GALNT17: variants seen among roughly 807,000 people sequenced by gnomAD.
GALNT17 encodes UDP-GalNAc:polypeptide N-acetylgalactosaminyltransferase-like 3.
A neutral mutation model predicts 63.7 loss-of-function variants in GALNT17; 29 were observed. The observed-to-expected ratio is 0.46, with a 90% confidence interval of 0.34 to 0.62. The LOEUF (loss-of-function observed/expected upper bound fraction) is 0.62. Ranked by LOEUF, GALNT17 falls within the 20% of genes least tolerant of loss-of-function variation. The probability of loss-of-function intolerance (pLI) is 0.01; values close to 1 mark genes in which losing one functional copy is unlikely to be tolerated. For synonymous variants in GALNT17, 305 were observed against 318.3 expected, an observed-to-expected ratio of 0.96 and a Z score of 0.45; for missense variants, 603 against 799.6, an observed-to-expected ratio of 0.75 and a Z score of 2.97.
At chr7:71,482,630 A>G (rs1275136999) in intron 5 of GALNT17, among the ~76,000 whole-genome samples, 1 of 152,220 alleles carries the variant, frequency 6.6e-6, no homozygotes, top group African/African-American at 2.4e-5. Context: ...ACTGTAGGCA[A>G]TTGTAACACA....
chr7:71,153,789 C>A (rs539368176), intron 1 of GALNT17, among the ~76,000 whole-genome samples: 1 of 151,924 alleles, frequency 6.6e-6, no homozygotes, highest in Non-Finnish European at 1.5e-5. Flanking sequence ...TGGTGGCGGG[C>A]GCCTGTAGTC....
intron 1 of GALNT17, among the ~76,000 whole-genome samples, chr7:71,213,046 C>T (rs920993253): frequency 1.3e-5 from 2 of 151,632 alleles, no homozygotes; most frequent in Admixed American, 6.6e-5. Flanking sequence ...TTTGGAGGGA[C>T]CAGGGGCAGA....
At chr7:71,594,455 A>G (rs760309493) in intron 6 of GALNT17, among the ~76,000 whole-genome samples, 1 of 151,776 alleles carries the variant, frequency 6.6e-6, no homozygotes, top group Non-Finnish European at 1.5e-5. Flanking sequence ...ACACCTGGCT[A>G]ATGTTTGTAT....
chr7:71,176,167 G>GGA (rs1242600388), intron 1 of GALNT17, among the ~76,000 whole-genome samples: 1 of 151,910 alleles, frequency 6.6e-6, no homozygotes, highest in Non-Finnish European at 1.5e-5. Context: ...GTGGGGAGGA[G>GGA]GAGAGAGAGA....
intron 2 of GALNT17, 63 bp from the exon 3 acceptor site, chr7:71,388,172 A>G: frequency 6.5e-7 from 1 of 1,549,452 alleles, no homozygotes. Flanking sequence ...CACTATGTCC[A>G]GCTGCAGTGC....
chr7:71,585,650 T>G (rs1789705048), intron 6 of GALNT17, among the ~76,000 whole-genome samples: 1 of 152,170 alleles, frequency 6.6e-6, no homozygotes, highest in African/African-American at 2.4e-5. Context: ...AATAAATATT[T>G]TATATGTCTA....
chr7:71,423,217 G>C (rs535255482), intron 5 of GALNT17, among the ~76,000 whole-genome samples: 4 of 152,336 alleles, frequency 2.6e-5, no homozygotes, highest in African/African-American at 7.2e-5. Context: ...GCACAGGCCC[G>C]AGGGTGGAGC....
At chr7:71,205,668 A>G (rs934175116) in intron 1 of GALNT17, among the ~76,000 whole-genome samples, 2 of 152,146 alleles carry the variant, frequency 1.3e-5, no homozygotes, top group Middle Eastern at 3.4e-3. Flanking sequence ...GCTACTGTAA[A>G]TGAGATTGTT....
intron 2 of GALNT17, among the ~76,000 whole-genome samples, chr7:71,370,134 T>C (rs1196310006): frequency 6.6e-6 from 1 of 152,190 alleles, no homozygotes; most frequent in East Asian, 1.9e-4. Context: ...CTGTATGGCA[T>C]TGTCATCATT....
intron 9 of GALNT17, among the ~76,000 whole-genome samples, chr7:71,701,868 TAC>T (rs1229165507): frequency 2.7e-4 from 22 of 81,544 alleles, no homozygotes; most frequent in South Asian, 7.3e-4. Flanking sequence ...CATATATATA[TAC>T]ATATATATAT....
chr7:71,641,137 A>G (rs924833703), intron 6 of GALNT17, among the ~76,000 whole-genome samples: 2 of 152,210 alleles, frequency 1.3e-5, no homozygotes, highest in Non-Finnish European at 2.9e-5. Context: ...GGCTTAGGTT[A>G]TCTGTATCCC....
Position 71,713,565 on chromosome 7 carries a change from C to A in GALNT17, c.*1419C>A, listed in dbSNP as rs67977987. 12,439 of 152,382 alleles carry A rather than the reference C, an allele frequency of 0.082. 1,617 individuals carry two copies. The highest frequency in any genetic ancestry group is 0.65 in the East Asian group (3,335 of 5,158). 9.4% of individuals were successfully genotyped at this position (152,382 alleles called of 1,614,324 possible). A position where few individuals can be genotyped will look rare whatever the true frequency, so the allele number is the denominator to read the frequency against. On this transcript the variant is annotated 3_prime_UTR_variant, in exon 11 of 11. Coordinates refer to ENST00000333538, the MANE Select transcript of GALNT17 (RefSeq NM_022479.3). The stretch of plus-strand genomic sequence containing the variant: ...GTGATCATCTCCTCACCCCATCTCC[C>A]ACCTTGTGGAATAAATACATGTTAG...
At chr7:71,568,757 A>G (rs544755840) in intron 5 of GALNT17, among the ~76,000 whole-genome samples, 1 of 152,320 alleles carries the variant, frequency 6.6e-6, no homozygotes, top group Non-Finnish European at 1.5e-5. Context: ...AGGCAAAAAG[A>G]TATAATAAAT....
chr7:71,367,431 A>T (rs1011449625), intron 2 of GALNT17, among the ~76,000 whole-genome samples: 3 of 152,226 alleles, frequency 2.0e-5, no homozygotes. Flanking sequence ...TTTGGACCAC[A>T]CATCATAATG....
At chr7:71,405,244 G>GGT (rs1238648458) in intron 3 of GALNT17, among the ~76,000 whole-genome samples, 3 of 152,202 alleles carry the variant, frequency 2.0e-5, no homozygotes. Flanking sequence ...AGGTAACAAT[G>GGT]GTGATGCATG....
chr7:71,239,640 G>C (rs7800923), intron 1 of GALNT17, among the ~76,000 whole-genome samples: 4,232 of 152,212 alleles, frequency 0.028, 196 homozygotes, highest in African/African-American at 0.097. Flanking sequence ...TAACCCCAAG[G>C]CTTCTGATTT....
chr7:71,423,203 G>A (rs571011667), intron 5 of GALNT17, among the ~76,000 whole-genome samples: 133 of 152,316 alleles, frequency 8.7e-4, no homozygotes, highest in African/African-American at 3.0e-3. Flanking sequence ...ATTTAGGTCC[G>A]TGGGCACAGG....
At chr7:71,237,468 G>A (rs189016316) in intron 1 of GALNT17, among the ~76,000 whole-genome samples, 230 of 146,830 alleles carry the variant, frequency 1.6e-3, no homozygotes, top group African/African-American at 5.4e-3. Context: ...TTGAGGCCAG[G>A]AGTCTGAGAC....
intron 1 of GALNT17, among the ~76,000 whole-genome samples, chr7:71,206,136 G>A (rs1789266851): frequency 6.8e-6 from 1 of 147,466 alleles, no homozygotes; most frequent in African/African-American, 2.5e-5. Flanking sequence ...GTTTGTGTGT[G>A]TATATATATA....
Sources: gnomAD v4.1 joint callset for allele counts (sites outside exome capture counted in the v4.1 genomes callset) on GRCh38, gnomAD v4.1.1 for gene constraint, MANE v1.5 for transcripts, NCBI Gene and HGNC (gene_info 2026-07-23, HGNC 2026-07-21) for gene names.